SLC9A2: variants seen among roughly 807,000 people sequenced by gnomAD.
SLC9A2 encodes sodium/hydrogen exchanger 2.
A neutral mutation model predicts 71.7 loss-of-function variants in SLC9A2; 42 were observed. That is an observed-to-expected ratio of 0.59 (90% CI 0.46 to 0.76). SLC9A2 has a LOEUF of 0.76. Among genes scored for constraint, SLC9A2 ranks in the 30% least tolerant of loss-of-function variants. The probability of loss-of-function intolerance (pLI) is 0.00; values close to 1 mark genes in which losing one functional copy is unlikely to be tolerated. For synonymous variants in SLC9A2, 396 were observed against 392.5 expected (o/e 1.01, Z -0.10); for missense variants, 829 against 1,017.4 (o/e 0.81, Z 2.52).
At chr2:102,640,296 C>G (rs527651548) in intron 1 of SLC9A2, among the ~76,000 whole-genome samples, 11 of 152,216 alleles carry the variant, frequency 7.2e-5, no homozygotes, top group Non-Finnish European at 1.3e-4. Flanking sequence ...CTCCAACTCT[C>G]CAGACAGCAG....
At chr2:102,646,633 C>T (rs1157062476) in intron 1 of SLC9A2, among the ~76,000 whole-genome samples, 1 of 151,370 alleles carries the variant, frequency 6.6e-6, no homozygotes, top group African/African-American at 2.4e-5. Flanking sequence ...GGAAAACAAA[C>T]AAACAAAAAA....
chr2:102,672,895 G>C (rs932917712), intron 3 of SLC9A2, among the ~76,000 whole-genome samples: 2 of 151,964 alleles, frequency 1.3e-5, no homozygotes, highest in Admixed American at 1.3e-4. Flanking sequence ...CAACATTAAA[G>C]GCACTATTTT....
In SLC9A2 at chr2:102,694,482, C is replaced by CA; in HGVS notation, c.1495dup (p.Ser499LysfsTer2). ...GGTCCAATAAGAAACAACAAGCTGT[C>CA]AGTGAAGAAATCTATTGTCGGGTAG... On this transcript the variant is annotated frameshift_variant, in exon 6 of 12. Transcript: ENST00000233969. LOFTEE classifies it high-confidence loss of function. 1 of 1,537,424 alleles carries CA rather than the reference C, an allele frequency of 6.5e-7. No homozygotes were observed. Among genetic ancestry groups the CA allele is most frequent in the Non-Finnish European group, 8.9e-7 (1 of 1,129,426 alleles).
rs1677506325 is a variant in SLC9A2 at position 102,684,167 on chromosome 2, T to C, written c.1256T>C (p.Phe419Ser). 1 of 1,614,164 alleles carries C rather than the reference T, an allele frequency of 6.2e-7. No individual in the cohort carries two copies. Among genetic ancestry groups the C allele is most frequent in the Admixed American group, 1.7e-5 (1 of 60,022 alleles). The change falls in exon 5 of 12, where the codon TTC becomes TCC. Residue 419 changes from phenylalanine (F) to serine (S), a missense_variant. Coordinates refer to ENST00000233969, the MANE Select transcript of SLC9A2 (RefSeq NM_003048.6). Reference protein sequence around the residue: ...VFVLTQVINRFRTIPLTFKDQ... With the variant: ...VFVLTQVINRSRTIPLTFKDQ... ...GTCCTGACTCAGGTCATTAATAGGT[T>C]CCGGACCATTCCCCTGACCTTTAAG...
At chr2:102,621,119 A>C (rs1676128048) in intron 1 of SLC9A2, among the ~76,000 whole-genome samples, 1 of 152,120 alleles carries the variant, frequency 6.6e-6, no homozygotes, top group Admixed American at 6.5e-5. Context: ...TTGCCACTGC[A>C]CTCCAGCCTG....
At chr2:102,665,571 G>C (rs970826911) in intron 3 of SLC9A2, among the ~76,000 whole-genome samples, 2 of 151,802 alleles carry the variant, frequency 1.3e-5, no homozygotes, top group African/African-American at 4.8e-5. Flanking sequence ...TCAGGAGATC[G>C]AGACCATCCT....
intron 3 of SLC9A2, among the ~76,000 whole-genome samples, chr2:102,672,798 A>G (rs754210828): frequency 1.3e-5 from 2 of 152,168 alleles, no homozygotes; most frequent in African/African-American, 4.8e-5. Context: ...ATATATATAT[A>G]TATTTTGCAA....
At chr2:102,633,659 C>A (rs556284014) in intron 1 of SLC9A2, among the ~76,000 whole-genome samples, 1 of 152,106 alleles carries the variant, frequency 6.6e-6, no homozygotes, top group South Asian at 2.1e-4. Context: ...GGTAAGGTAG[C>A]GGAACTCAGT....
intron 2 of SLC9A2, among the ~76,000 whole-genome samples, chr2:102,664,552 T>C (rs1327761705): frequency 6.6e-6 from 1 of 151,834 alleles, no homozygotes; most frequent in African/African-American, 2.4e-5. Flanking sequence ...GACATGTATG[T>C]GTGGGCGGGG....
chr2:102,695,381 A>G (rs1677737821), intron 7 of SLC9A2, among the ~76,000 whole-genome samples: 1 of 152,178 alleles, frequency 6.6e-6, no homozygotes, highest in Admixed American at 6.5e-5. Flanking sequence ...CCAGGGTCCG[A>G]GGACTGTCTG....
intron 1 of SLC9A2, among the ~76,000 whole-genome samples, chr2:102,639,067 C>T (rs1676523873): frequency 6.6e-6 from 1 of 152,134 alleles, no homozygotes; most frequent in African/African-American, 2.4e-5. Context: ...ACCTGTAGTC[C>T]TAATTACTCA....
intron 2 of SLC9A2, among the ~76,000 whole-genome samples, chr2:102,662,259 C>A (rs1374646311): frequency 1.3e-5 from 2 of 152,144 alleles, no homozygotes; most frequent in African/African-American, 4.8e-5. Flanking sequence ...ATTAAGTTGC[C>A]AGGAAAATAG....
intron 2 of SLC9A2, among the ~76,000 whole-genome samples, chr2:102,658,978 C>G (rs1217524912): frequency 6.6e-6 from 1 of 152,142 alleles, no homozygotes; most frequent in Non-Finnish European, 1.5e-5. Context: ...GTGCTCAGGT[C>G]TCTATAACAA....
At chr2:102,645,532 T>A (rs1273843599) in intron 1 of SLC9A2, among the ~76,000 whole-genome samples, 1 of 152,020 alleles carries the variant, frequency 6.6e-6, no homozygotes. Flanking sequence ...TCTAACCCAA[T>A]GCAAGGAAGC....
chr2:102,644,641 G>T (rs1676681156), intron 1 of SLC9A2, among the ~76,000 whole-genome samples: 1 of 152,162 alleles, frequency 6.6e-6, no homozygotes, highest in Non-Finnish European at 1.5e-5. Flanking sequence ...AGGGGTACCT[G>T]CCATTACTGA....
chr2:102,682,562 G>C (rs1677474051), intron 3 of SLC9A2, among the ~76,000 whole-genome samples: 1 of 152,160 alleles, frequency 6.6e-6, no homozygotes, highest in African/African-American at 2.4e-5. Context: ...GGACTCTGTG[G>C]TCCCAAAGTT....
intron 3 of SLC9A2, among the ~76,000 whole-genome samples, chr2:102,672,972 G>T (rs758961290): frequency 4.0e-5 from 6 of 151,704 alleles, no homozygotes; most frequent in Non-Finnish European, 4.4e-5. Flanking sequence ...CTATATTAAG[G>T]TCTATAGGTC....
At chr2:102,676,153 G>A (rs2104534094) in intron 3 of SLC9A2, among the ~76,000 whole-genome samples, 1 of 152,318 alleles carries the variant, frequency 6.6e-6, no homozygotes. Context: ...GTCTGGTGCA[G>A]GATTGTTGCA....
chr2:102,668,551 G>T (rs547390771), intron 3 of SLC9A2, among the ~76,000 whole-genome samples: 1 of 152,220 alleles, frequency 6.6e-6, no homozygotes, highest in South Asian at 2.1e-4. Flanking sequence ...TACTAATTAC[G>T]CTCTCTCTTT....
Sources: allele counts gnomAD v4.1 joint callset (sites outside exome capture counted in the v4.1 genomes callset), GRCh38; gene constraint gnomAD v4.1.1; transcripts MANE v1.5; gene names NCBI Gene and HGNC (gene_info 2026-07-23, HGNC 2026-07-21).